PDE4D: variants seen among roughly 807,000 people sequenced by gnomAD.
The protein encoded by PDE4D is 3',5'-cyclic-AMP phosphodiesterase 4D.
PDE4D carries 24 observed loss-of-function variants against 87.4 expected under a neutral mutation model. The ratio of observed to expected loss-of-function variants is 0.27; its 90% CI spans 0.20 to 0.39. PDE4D has a LOEUF of 0.39. Ranked by LOEUF, PDE4D falls within the 10% of genes least tolerant of loss-of-function variation. PDE4D has a pLI of 1.00. For missense variants in PDE4D, 714 were observed against 1,041.0 expected (o/e 0.69, Z 4.32); for synonymous variants, 384 against 383.2 (o/e 1.00, Z -0.02).
chr5:59,381,419 G>C (rs997923894), intron 1 of PDE4D, among the ~76,000 whole-genome samples: 2 of 151,972 alleles, frequency 1.3e-5, no homozygotes, highest in Admixed American at 6.6e-5. Context: ...GAGTAGATTA[G>C]TATCCTCATT....
chr5:59,533,832 T>C (rs1230175132), intron 1 of PDE4D, among the ~76,000 whole-genome samples: 4 of 152,180 alleles, frequency 2.6e-5, no homozygotes, highest in Admixed American at 2.0e-4. Flanking sequence ...CCTTTTACTT[T>C]CTTACCTTAA....
At chr5:60,431,476 G>C (rs2150114897) in intron 1 of PDE4D, among the ~76,000 whole-genome samples, 1 of 151,854 alleles carries the variant, frequency 6.6e-6, no homozygotes, top group Middle Eastern at 3.4e-3. Context: ...CAGACGATGG[G>C]CGGCCGGGCA....
intron 1 of PDE4D, among the ~76,000 whole-genome samples, chr5:59,802,434 T>TG (rs1337167190): frequency 6.8e-6 from 1 of 147,108 alleles, no homozygotes; most frequent in Non-Finnish European, 1.5e-5. Flanking sequence ...AGTCTCACTC[T>TG]GTTGCCCAGG....
At chr5:59,298,861 T>C (rs1417624910) in intron 1 of PDE4D, among the ~76,000 whole-genome samples, 1 of 152,218 alleles carries the variant, frequency 6.6e-6, no homozygotes, top group Non-Finnish European at 1.5e-5. Flanking sequence ...TAACTGCACA[T>C]CTGATTTTGT....
At chr5:60,289,839 T>C (rs1171475332) in intron 1 of PDE4D, among the ~76,000 whole-genome samples, 1 of 152,204 alleles carries the variant, frequency 6.6e-6, no homozygotes, top group South Asian at 2.1e-4. Context: ...AGTGCCAGAT[T>C]AGTGTTTCTA....
At chr5:59,477,948 A>G (rs986571223) in intron 1 of PDE4D, among the ~76,000 whole-genome samples, 1 of 152,060 alleles carries the variant, frequency 6.6e-6, no homozygotes, top group African/African-American at 2.4e-5. Context: ...GGAACATAAA[A>G]CCAAATACCA....
rs188700175 is a variant in PDE4D, at chr5:59,243,650, G to A, written c.456-27682C>T. On this transcript the variant is annotated intron_variant, in intron 1 of 14. Coordinates refer to ENST00000340635, the MANE Select transcript of PDE4D (RefSeq NM_001104631.2). ...GATTTTTGTATTTTTAGTAGAGATG[G>A]GGTTTCTCCATATTGGCCAGGCTGG... 1.6e-3 allele frequency among the ~76,000 whole-genome samples: 238 copies of A among 151,352 alleles called. 2 individuals carry two copies. Among genetic ancestry groups the A allele is most frequent in the African/African-American group, 5.3e-3 (220 of 41,286 alleles).
At chr5:59,015,874 C>T (rs1753845468) in intron 6 of PDE4D, among the ~76,000 whole-genome samples, 1 of 152,146 alleles carries the variant, frequency 6.6e-6, no homozygotes, top group Admixed American at 6.5e-5. Context: ...GGAACCAACC[C>T]AAATGTCCAC....
chr5:59,794,099 A>G (rs905421660), intron 1 of PDE4D, among the ~76,000 whole-genome samples: 1 of 151,622 alleles, frequency 6.6e-6, no homozygotes, highest in African/African-American at 2.4e-5. Context: ...AGACATACAC[A>G]CAGACATGGA....
chr5:60,201,420 A>G (rs1741889697), intron 1 of PDE4D, among the ~76,000 whole-genome samples: 1 of 152,172 alleles, frequency 6.6e-6, no homozygotes, highest in Non-Finnish European at 1.5e-5. Flanking sequence ...AATGAACTAC[A>G]AAACTTCATT....
intron 2 of PDE4D, among the ~76,000 whole-genome samples, chr5:60,091,303 C>T (rs1270710990): frequency 6.6e-6 from 1 of 151,836 alleles, no homozygotes; most frequent in Non-Finnish European, 1.5e-5. Flanking sequence ...GTACATAATC[C>T]CATTGAAAAG....
At chr5:60,474,105 C>CATATATATATATGTGTGTATATAT (rs1491252291) in intron 1 of PDE4D, among the ~76,000 whole-genome samples, 1 of 31,002 alleles carries the variant, frequency 3.2e-5, no homozygotes. Flanking sequence ...TTTGAGCTGC[C>CATATATATATATGTGTGTATATAT]ATATATATAT....
In PDE4D at chr5:59,396,900, A is replaced by C. The variant is rs1466194813; in HGVS notation, c.456-180932T>G. ...AGGATGGAGGAAGATCTACCAAGCA[A>C]ATGGAAAACAAAAAAAGGCAGGGGT... On this transcript the variant is annotated intron_variant, in intron 1 of 14. Transcript: ENST00000340635. Among the ~76,000 whole-genome samples, 17 of 114,824 alleles carry C rather than the reference A, an allele frequency of 1.5e-4. 5 individuals carry two copies. The South Asian group carries it at 5.1e-3, about 35-fold the overall frequency. The allele number at this position is 114,824 out of a possible 152,430, so 75.3% of individuals were successfully genotyped here.
intron 2 of PDE4D, among the ~76,000 whole-genome samples, chr5:60,107,772 A>C (rs1343526105): frequency 6.6e-6 from 1 of 152,228 alleles, no homozygotes; most frequent in African/African-American, 2.4e-5. Flanking sequence ...TGATTATCTC[A>C]ATAGATGCAG....
chr5:59,429,467 C>T (rs1795788211), intron 1 of PDE4D, among the ~76,000 whole-genome samples: 1 of 152,058 alleles, frequency 6.6e-6, no homozygotes, highest in Non-Finnish European at 1.5e-5. Flanking sequence ...TGGCAAAATG[C>T]ATGCTTTGTG....
chr5:59,220,868 T>C (rs1752400470), intron 1 of PDE4D, among the ~76,000 whole-genome samples: 1 of 149,042 alleles, frequency 6.7e-6, no homozygotes, highest in South Asian at 2.1e-4. Context: ...GCCAATTAGA[T>C]GGAGCCCAAG....
chr5:59,037,674 G>A lies in PDE4D; in HGVS notation c.921+1185C>T, dbSNP rs189926312. Among the ~76,000 whole-genome samples, 382 of 152,218 alleles carry A rather than the reference G, an allele frequency of 2.5e-3. 1 individual carries two copies. Among genetic ancestry groups the A allele is most frequent in the Admixed American group, 6.8e-3 (104 of 15,286 alleles). On this transcript the variant is annotated intron_variant, in intron 6 of 14. Transcript: ENST00000340635. ...ATGGGTAGGTTAGTATCTGCTGGCC[G>A]TGTCTACAGAGCCCCTTTTATTTAT...
intron 1 of PDE4D, among the ~76,000 whole-genome samples, chr5:59,276,504 G>C (rs1292717782): frequency 6.6e-6 from 1 of 152,112 alleles, no homozygotes; most frequent in East Asian, 1.9e-4. Flanking sequence ...TTCATTTTGA[G>C]CGGATGTAAT....
intron 1 of PDE4D, among the ~76,000 whole-genome samples, chr5:60,225,249 C>G (rs576857886): frequency 9.9e-5 from 15 of 152,132 alleles, no homozygotes; most frequent in African/African-American, 3.4e-4. Context: ...AGTCAACAGG[C>G]AGAGCAAACA....
Sources: gnomAD v4.1 joint callset for allele counts (sites outside exome capture counted in the v4.1 genomes callset) on GRCh38, gnomAD v4.1.1 for gene constraint, MANE v1.5 for transcripts, NCBI Gene and HGNC (gene_info 2026-07-23, HGNC 2026-07-21) for gene names.